The following NRM variants were observed in gnomAD, a reference collection of about 807,000 sequenced individuals.
NRM encodes the protein nuclear rim protein.
A neutral mutation model predicts 23.4 loss-of-function variants in NRM; 19 were observed. The observed-to-expected ratio is 0.81, with a 90% confidence interval of 0.57 to 1.19. The LOEUF is 1.19. NRM is among the 50% of genes most tolerant of loss of function. The pLI is 0.00. For synonymous variants in NRM, 140 were observed against 143.5 expected (o/e 0.98, Z 0.17); for missense variants, 232 against 329.7 (o/e 0.70, Z 2.30).
chr6:30,689,090 TC>T lies in NRM; in HGVS notation c.508-149del. The T allele has an allele frequency of 8.9e-7, 1 of 1,119,484 alleles. No homozygotes were observed. The highest frequency in any genetic ancestry group is 1.2e-6 in the Non-Finnish European group (1 of 805,438). 69.3% of individuals were successfully genotyped at this position (1,119,484 alleles called of 1,614,324 possible). A position where few individuals can be genotyped will look rare whatever the true frequency, so the allele number is the denominator to read the frequency against. On this transcript the variant is annotated intron_variant, in intron 3 of 3. Transcript: ENST00000376421. The surrounding 1 kb of genome is among the most constrained non-coding windows in gnomAD (Gnocchi z 4.7). The stretch of plus-strand genomic sequence containing the variant: ...TTGGATCCCTGATCCTGACTTCTGA[TC>T]CATGTACCTTCCCCAGGCCCAGGAG...
In NRM at chr6:30,690,896, G is replaced by A. The variant is rs113235298; in HGVS notation, c.79C>T (p.Arg27Cys). 3.7e-6 allele frequency: 6 copies of A among 1,611,264 alleles called. 1 individual carries two copies. In the South Asian group the frequency reaches 4.4e-5, roughly 12 times the overall value. The change falls in exon 1 of 4, where the codon CGC becomes TGC. Residue 27 changes from arginine to cysteine, a missense_variant. Physicochemically the swap from Arg to Cys is radical, Grantham distance 180 (BLOSUM62 -3). Transcript: ENST00000376421. The surrounding 1 kb of genome is among the most constrained non-coding windows in gnomAD (Gnocchi z 5.5). ...LAFGTGVEFV[R>C]FTSLRPLLGG... ...AGAAGTGGCCGAAGGGAGGTAAAGC[G>A]CACGAACTCCACTCCGGTGCCAAAG...
At position 30,690,079 on chromosome 6, in the gene NRM, G is replaced by A; in HGVS notation, c.298C>T (p.Leu100=). 1 of 1,612,556 alleles carries A rather than the reference G, an allele frequency of 6.2e-7. No individual in the cohort carries two copies. The highest frequency in any genetic ancestry group is 8.5e-7 in the Non-Finnish European group (1 of 1,179,846). The change falls in exon 2 of 4, where the codon CTG becomes TTG. Residue 100 remains leucine, a synonymous_variant. Coordinates refer to ENST00000376421, the MANE Select transcript of NRM (RefSeq NM_001384369.1). This position sits in a 1 kb window ranked among gnomAD's most constrained non-coding sequence, Gnocchi z 5.5. ...SRYFGVLQRS[L]YVACTALALQ... ...GCCAGGGCAGTGCAGGCCACATACA[G>A]TGACCTCTGAAGGACCCCAAAGTAC...
rs1488455535 is a variant in NRM at position 30,690,864 on chromosome 6, C to T, written c.111G>A (p.Gly37=). ...RFTSLRPLLG[G]IPESGGPDAR... ...CACCCGGACCACCAGACTCCGGGAT[C>T]CCTCCAAGAAGTGGCCGAAGGGAGG... is the stretch of plus-strand genomic sequence containing the variant. The change falls in exon 1 of 4, where the codon GGG becomes GGA. Residue 37 remains glycine, a synonymous_variant. Transcript: ENST00000376421. This position sits in a 1 kb window ranked among gnomAD's most constrained non-coding sequence, Gnocchi z 5.5. The T allele has an allele frequency of 8.1e-6, 13 of 1,613,116 alleles. No individual in the cohort carries two copies. The highest frequency in any genetic ancestry group is 1.1e-5 in the Non-Finnish European group (13 of 1,180,028).
chr6:30,690,887 A>ACTCC lies in NRM; in HGVS notation c.87_88insGGAG (p.Ser30GlyfsTer55), dbSNP rs779615922. 2.5e-6 allele frequency: 4 copies of ACTCC among 1,608,226 alleles called. No homozygotes were observed. The African/African-American group carries it at 5.4e-5, about 22-fold the overall frequency. On this transcript the variant is annotated frameshift_variant, in exon 1 of 4. Coordinates refer to ENST00000376421, the MANE Select transcript of NRM (RefSeq NM_001384369.1). LOFTEE classifies it high-confidence loss of function. The surrounding 1 kb of genome is among the most constrained non-coding windows in gnomAD (Gnocchi z 5.5). ...ATCCCTCCAAGAAGTGGCCGAAGGG[A>ACTCC]GGTAAAGCGCACGAACTCCACTCCG...
chr6:30,689,409 A>T lies in NRM; in HGVS notation c.374T>A (p.Leu125Ter), dbSNP rs758040872. The T allele has an allele frequency of 1.3e-6, 2 of 1,574,142 alleles. No individual in the cohort carries two copies. The highest frequency in any genetic ancestry group is 1.7e-6 in the Non-Finnish European group (2 of 1,159,906). The change falls in exon 3 of 4, where the codon TTG becomes TAG. Residue 125 changes from leucine to a stop codon, truncating the protein, a stop_gained. Transcript: ENST00000376421. LOFTEE classifies it high-confidence loss of function. This position sits in a 1 kb window ranked among gnomAD's most constrained non-coding sequence, Gnocchi z 4.7. Reference sequence around the variant, plus strand: ...CCATGGCTCAGCCCGAGCCTCCCACAACACAGGGCCTTTGGGTATGGGCTC... The same window carrying T: ...CCATGGCTCAGCCCGAGCCTCCCACTACACAGGGCCTTTGGGTATGGGCTC... ...YWEPIPKGPV[L>*]WEARAEPWAT...
In NRM at chr6:30,689,498, C is replaced by A. The variant is rs1449790970; in HGVS notation, c.331-46G>T. On this transcript the variant is annotated intron_variant, in intron 2 of 3. Coordinates refer to ENST00000376421, the MANE Select transcript of NRM (RefSeq NM_001384369.1). The surrounding 1 kb of genome is among the most constrained non-coding windows in gnomAD (Gnocchi z 4.7). ...GGGTATCCCAGTGGCCTAGTCTGCC[C>A]GACCTTGGGAGACCCAGACCCAGAT... 3 of 1,502,946 alleles carry A rather than the reference C, an allele frequency of 2.0e-6. No individual in the cohort carries two copies. Among genetic ancestry groups the A allele is most frequent in the Admixed American group, 2.3e-5 (1 of 43,476 alleles). The allele number at this position is 1,502,946 out of a possible 1,614,324, so 93.1% of individuals were successfully genotyped here. A position where few individuals can be genotyped will look rare whatever the true frequency, so the allele number is the denominator to read the frequency against.
In NRM at chr6:30,690,260, G is replaced by A; in HGVS notation, c.134-17C>T. ...GGCGGGCATCTACAGGAAGTTGAGG[G>A]AAAAAGAGACAAAAGATCGAAACAG... On this transcript the variant is annotated splice_polypyrimidine_tract_variant and intron_variant, in intron 1 of 3. Coordinates refer to ENST00000376421, the MANE Select transcript of NRM (RefSeq NM_001384369.1). This position sits in a 1 kb window ranked among gnomAD's most constrained non-coding sequence, Gnocchi z 5.5. 6.4e-7 allele frequency: 1 copy of A among 1,557,952 alleles called. No homozygotes were observed. The highest frequency in any genetic ancestry group is 8.6e-7 in the Non-Finnish European group (1 of 1,158,908).
chr6:30,689,784 A>G lies in NRM; in HGVS notation c.330+263T>C, dbSNP rs537643610. On this transcript the variant is annotated intron_variant, in intron 2 of 3. Coordinates refer to ENST00000376421, the MANE Select transcript of NRM (RefSeq NM_001384369.1). The surrounding 1 kb of genome is among the most constrained non-coding windows in gnomAD (Gnocchi z 4.7). ...GAAGTGGTTTTGAAGAAAGGGTAGGACTGAAGAGAAGGGATCTCAAGCAGG... is the reference window on the plus strand; with the variant it reads ...GAAGTGGTTTTGAAGAAAGGGTAGGGCTGAAGAGAAGGGATCTCAAGCAGG... Among the ~76,000 whole-genome samples the G allele has an allele frequency of 6.6e-6, 1 of 152,278 alleles. No individual in the cohort carries two copies. The highest frequency in any genetic ancestry group is 2.4e-5 in the African/African-American group (1 of 41,560).
At chr6:30,691,057 G>T (rs1386174978), upstream of NRM, 3 of 1,499,330 alleles carry the variant, frequency 2.0e-6, no homozygotes, top group Admixed American at 2.1e-5. Flanking sequence ...GCCCCCGGCT[G>T]AATCCAGCCC....
At position 30,688,831 on chromosome 6, in the gene NRM, G is replaced by C. The variant is rs772673962; in HGVS notation, c.619C>G (p.Leu207Val). The change falls in exon 4 of 4, where the codon CTG becomes GTG. Residue 207 changes from leucine (L) to valine (V), a missense_variant. Coordinates refer to ENST00000376421, the MANE Select transcript of NRM (RefSeq NM_001384369.1). This position sits in a 1 kb window ranked among gnomAD's most constrained non-coding sequence, Gnocchi z 5.9. ...HPVCVELLTV[L>V]WVVPTLGTDR... is the part of the protein sequence containing the mutation. ...GTGCCCAGGGTAGGCACCACCCACAGCACTGTCAGCAGCTCCACACACACT... is the reference window on the plus strand; with the variant it reads ...GTGCCCAGGGTAGGCACCACCCACACCACTGTCAGCAGCTCCACACACACT... 6.2e-7 allele frequency: 1 copy of C among 1,613,906 alleles called. No individual in the cohort carries two copies. The highest frequency in any genetic ancestry group is 8.5e-7 in the Non-Finnish European group (1 of 1,179,976).
In NRM at chr6:30,688,584, G is replaced by A. The variant is rs1026496410; in HGVS notation, c.*77C>T. The A allele has an allele frequency of 2.6e-6, 4 of 1,518,366 alleles. No homozygotes were observed. Among genetic ancestry groups the A allele is most frequent in the Non-Finnish European group, 3.6e-6 (4 of 1,118,506 alleles). 94.1% of individuals were successfully genotyped at this position (1,518,366 alleles called of 1,614,324 possible). A position where few individuals can be genotyped will look rare whatever the true frequency, so the allele number is the denominator to read the frequency against. ...CATGGATTTGGGCCTCTGGCATGAA[G>A]CAGCCAGGGCCTGGATGTTAAGGAT... On this transcript the variant is annotated 3_prime_UTR_variant, in exon 4 of 4. Coordinates refer to ENST00000376421, the MANE Select transcript of NRM (RefSeq NM_001384369.1). This position sits in a 1 kb window ranked among gnomAD's most constrained non-coding sequence, Gnocchi z 5.9.
At chr6:30,691,298 CT>C (rs1771636292), upstream of NRM, 1 of 304,496 alleles carries the variant, frequency 3.3e-6, no homozygotes, top group African/African-American at 2.1e-5. Context: ...TGAAAAGTTA[CT>C]GTTTTACCAC....
chr6:30,691,099 G>A (rs1771612823), upstream of NRM: 1 of 1,145,194 alleles, frequency 8.7e-7, no homozygotes, highest in Non-Finnish European at 1.2e-6. Flanking sequence ...GCCACCGCCA[G>A]GCTTCCGGCC....
rs1351936567 is a variant in NRM, at chr6:30,690,859, G to A, written c.116C>T (p.Pro39Leu). The A allele has an allele frequency of 2.5e-6, 4 of 1,612,930 alleles. No homozygotes were observed. The East Asian group carries it at 6.7e-5, about 27-fold the overall frequency. Residue 39 changes from proline (P) to leucine (L), a missense_variant, in exon 1 of 4, where the codon CCG (proline) becomes CTG (leucine). Transcript: ENST00000376421. The surrounding 1 kb of genome is among the most constrained non-coding windows in gnomAD (Gnocchi z 5.5). Reference sequence around the variant, plus strand: ...CCGCTCACCCGGACCACCAGACTCCGGGATCCCTCCAAGAAGTGGCCGAAG... The same window carrying A: ...CCGCTCACCCGGACCACCAGACTCCAGGATCCCTCCAAGAAGTGGCCGAAG... ...TSLRPLLGGI[P>L]ESGGPDARQG...
At position 30,689,677 on chromosome 6, in the gene NRM, G is replaced by C. The variant is rs957615984; in HGVS notation, c.331-225C>G. The stretch of plus-strand genomic sequence containing the variant: ...CCTGAGAACTTATAGAATAGATGGG[G>C]TGACCTGATAGCTACGCAAAGTAGT... On this transcript the variant is annotated intron_variant, in intron 2 of 3. Transcript: ENST00000376421. This position sits in a 1 kb window ranked among gnomAD's most constrained non-coding sequence, Gnocchi z 4.7. Among the ~76,000 whole-genome samples the C allele has an allele frequency of 6.6e-6, 1 of 152,186 alleles. No individual in the cohort carries two copies. The highest frequency in any genetic ancestry group is 2.4e-5 in the African/African-American group (1 of 41,450).
In NRM at chr6:30,688,658, T is replaced by G. The variant is rs1275443505; in HGVS notation, c.*3A>C. ...AACAGGGCTTGTAACCAGAGTGAGCTCCTCACTCTGCCTCCCCATCCTGGG... is the reference window on the plus strand; with the variant it reads ...AACAGGGCTTGTAACCAGAGTGAGCGCCTCACTCTGCCTCCCCATCCTGGG... On this transcript the variant is annotated 3_prime_UTR_variant, in exon 4 of 4. Coordinates refer to ENST00000376421, the MANE Select transcript of NRM (RefSeq NM_001384369.1). This position sits in a 1 kb window ranked among gnomAD's most constrained non-coding sequence, Gnocchi z 5.9. The G allele has an allele frequency of 2.2e-5, 35 of 1,612,700 alleles. No homozygotes were observed. The highest frequency in any genetic ancestry group is 2.9e-5 in the Non-Finnish European group (34 of 1,179,260).
chr6:30,688,546 A>G lies in NRM; in HGVS notation c.*115T>C, dbSNP rs1771188826. The G allele has an allele frequency of 2.6e-6, 3 of 1,166,212 alleles. No homozygotes were observed. Among genetic ancestry groups the G allele is most frequent in the Non-Finnish European group, 3.7e-6 (3 of 815,598 alleles). The allele number at this position is 1,166,212 out of a possible 1,614,324, so 72.2% of individuals were successfully genotyped here. A position where few individuals can be genotyped will look rare whatever the true frequency, so the allele number is the denominator to read the frequency against. On this transcript the variant is annotated 3_prime_UTR_variant, in exon 4 of 4. Transcript: ENST00000376421. This position sits in a 1 kb window ranked among gnomAD's most constrained non-coding sequence, Gnocchi z 5.9. ...TAAAGTCTCAAGTAGTAGAAGGGGC[A>G]TCTCCTTCAGTCCATGGATTTGGGC...
upstream of NRM, chr6:30,691,289 GAA>G (rs1444470259): frequency 3.1e-6 from 1 of 322,942 alleles, no homozygotes; most frequent in Non-Finnish European, 5.8e-6. Flanking sequence ...CATCTAAAAT[GAA>G]AAGTTACTGT....
chr6:30,690,024 C>A lies in NRM; in HGVS notation c.330+23G>T. 6.3e-7 allele frequency: 1 copy of A among 1,584,728 alleles called. No individual in the cohort carries two copies. Among genetic ancestry groups the A allele is most frequent in the Middle Eastern group, 1.7e-4 (1 of 5,946 alleles). Reference sequence around the variant, plus strand: ...GGGACTCAACTGCCAGGATTTCATACCTGCAAGGCCAGGGCCTCATACCTG... The same window carrying A: ...GGGACTCAACTGCCAGGATTTCATAACTGCAAGGCCAGGGCCTCATACCTG... On this transcript the variant is annotated intron_variant, in intron 2 of 3. Transcript: ENST00000376421. The surrounding 1 kb of genome is among the most constrained non-coding windows in gnomAD (Gnocchi z 5.5).
Sources: allele counts gnomAD v4.1 joint callset (sites outside exome capture counted in the v4.1 genomes callset), GRCh38; gene constraint gnomAD v4.1.1; non-coding constraint Gnocchi (gnomAD v3.1); transcripts MANE v1.5; gene names NCBI Gene and HGNC (gene_info 2026-07-23, HGNC 2026-07-21).